Variants in DHODH observed in about 807,000 individuals in gnomAD.
DHODH encodes dihydroorotate dehydrogenase (quinone).
Under a neutral mutation model 39.7 loss-of-function variants are expected in DHODH, and 30 were observed. That is an observed-to-expected ratio of 0.76 (90% CI 0.57 to 1.02). The LOEUF is 1.02. Ranked by LOEUF, DHODH falls within the 50% of genes least tolerant of loss-of-function variation. The pLI, the probability that DHODH is intolerant of heterozygous loss-of-function variation, is 0.00. For missense variants in DHODH, 531 were observed against 520.8 expected (o/e 1.02, Z -0.19); for synonymous variants, 222 against 213.8 (o/e 1.04, Z -0.34).
intron 4 of DHODH, among the ~76,000 whole-genome samples, chr16:72,017,583 T>G (rs1316737257): frequency 6.6e-6 from 1 of 152,188 alleles, no homozygotes; most frequent in Non-Finnish European, 1.5e-5. Context: ...CTAACTAATA[T>G]TAGCATTTGG....
At chr16:72,021,338 C>T (rs930191691) in intron 5 of DHODH, 27 bp downstream of exon 5, 11 of 1,576,794 alleles carry the variant, frequency 7.0e-6, no homozygotes, top group Non-Finnish European at 9.4e-6. Flanking sequence ...CTCTCCAGGC[C>T]CTGTCCCACC....
At position 72,026,111 on chromosome 16, in the gene DHODH, A is replaced by G. The variant is rs1213413359; in HGVS notation, c.*1912A>G. 2 of 152,308 alleles carry G rather than the reference A, an allele frequency of 1.3e-5. No individual in the cohort carries two copies. The highest frequency in any genetic ancestry group is 4.8e-5 in the African/African-American group (2 of 41,476). The allele number at this position is 152,308 out of a possible 1,614,324, so 9.4% of individuals were successfully genotyped here. ...AATGGGAATGGGCAAAAGGAACCAC[A>G]TGCTGGCCAGACCCCTGCGGGGTCA... On this transcript the variant is annotated 3_prime_UTR_variant, in exon 9 of 9. Coordinates refer to ENST00000219240, the MANE Select transcript of DHODH (RefSeq NM_001361.5).
intron 1 of DHODH, among the ~76,000 whole-genome samples, chr16:72,009,924 A>C (rs1360752344): frequency 6.6e-6 from 1 of 152,070 alleles, no homozygotes; most frequent in East Asian, 1.9e-4. Context: ...AAAATAAATA[A>C]ATGGAGAGAG....
At position 72,016,545 on chromosome 16, in the gene DHODH, A is replaced by G. The variant is rs569469853; in HGVS notation, c.435-479A>G. 18 of 252,440 alleles carry G rather than the reference A, an allele frequency of 7.1e-5. No homozygotes were observed. The Admixed American group carries it at 7.4e-4, about 10-fold the overall frequency. 15.6% of individuals were successfully genotyped at this position (252,440 alleles called of 1,614,324 possible). On this transcript the variant is annotated intron_variant, in intron 3 of 8. Coordinates refer to ENST00000219240, the MANE Select transcript of DHODH (RefSeq NM_001361.5). ...GAGAAAGGTGGGGCCAAAGCTCTGT[A>G]TGAAGGCCAGGGGGATGAGGGATCC...
At chr16:72,012,546 C>G (rs2041096129) in intron 2 of DHODH, among the ~76,000 whole-genome samples, 1 of 152,202 alleles carries the variant, frequency 6.6e-6, no homozygotes, top group Non-Finnish European at 1.5e-5. Context: ...AACTGAGGAA[C>G]AGATTAGCAA....
rs973382303 is a variant in DHODH, at chr16:72,023,315, C to G, written c.970C>G (p.Gln324Glu). The G allele has an allele frequency of 6.2e-7, 1 of 1,614,004 alleles. No individual in the cohort carries two copies. The highest frequency in any genetic ancestry group is 1.3e-5 in the African/African-American group (1 of 74,934). Residue 324 changes from glutamine to glutamate, a missense_variant, in exon 7 of 9, where the codon CAA becomes GAA. Gln to Glu is a conservative substitution (Grantham distance 29). Coordinates refer to ENST00000219240, the MANE Select transcript of DHODH (RefSeq NM_001361.5). The stretch of plus-strand genomic sequence containing the variant: ...CATTCGGGAGATGTATGCACTCACC[C>G]AAGGCAAGGTTTCCCGTGTTTGTGT... ...QTIREMYALT[Q>E]GRVPIIGVGG...
intron 1 of DHODH, chr16:72,008,986 A>G (rs1251037905): frequency 2.0e-6 from 3 of 1,463,520 alleles, no homozygotes; most frequent in East Asian, 5.0e-5. Context: ...GTGTGCAGAC[A>G]GCGCCTGCAG....
intron 4 of DHODH, among the ~76,000 whole-genome samples, chr16:72,018,706 C>T (rs2041171159): frequency 1.3e-5 from 2 of 152,178 alleles, no homozygotes; most frequent in South Asian, 4.1e-4. Flanking sequence ...TTGTTGTTAG[C>T]ACCATGCCAA....
chr16:72,023,777 G>C, intron 8 of DHODH, 144 bp downstream of exon 8: 1 of 1,222,614 alleles, frequency 8.2e-7, no homozygotes, highest in Non-Finnish European at 1.2e-6. Flanking sequence ...AGAAATTCTG[G>C]GTTACTCTTT....
At chr16:72,017,215 C>G in intron 4 of DHODH, 109 bp downstream of exon 4, 1 of 1,107,152 alleles carries the variant, frequency 9.0e-7, no homozygotes, top group Non-Finnish European at 1.3e-6. Flanking sequence ...ATAGCAAAAA[C>G]CACTGAGGAC....
At chr16:72,016,901 C>A in intron 3 of DHODH, 123 bp from the exon 4 acceptor site, 2 of 845,308 alleles carry the variant, frequency 2.4e-6, no homozygotes, top group South Asian at 1.4e-5. Context: ...GGTGTTTAGA[C>A]CCTGGAAGTG....
At chr16:72,009,750 G>C (rs1180054106) in intron 1 of DHODH, among the ~76,000 whole-genome samples, 1 of 151,768 alleles carries the variant, frequency 6.6e-6, no homozygotes, top group Non-Finnish European at 1.5e-5. Context: ...GCGTAGCTGA[G>C]ATTACAGGCG....
chr16:72,015,321 G>C (rs923895718), intron 3 of DHODH, among the ~76,000 whole-genome samples: 2 of 152,230 alleles, frequency 1.3e-5, no homozygotes, highest in African/African-American at 2.4e-5. Context: ...GCGGCCAGCA[G>C]GCTTGTATTG....
At chr16:72,023,368 C>G (rs1163882670) in intron 7 of DHODH, 50 bp downstream of exon 7, 2 of 1,613,892 alleles carry the variant, frequency 1.2e-6, no homozygotes, top group African/African-American at 2.7e-5. Context: ...GCTTGGGCTC[C>G]TGGGTCGTGA....
rs1471531122 is a variant in DHODH at position 72,026,762 on chromosome 16, A to ATGTGGTG, written c.*2566_*2572dup. On this transcript the variant is annotated 3_prime_UTR_variant, in exon 9 of 9. Transcript: ENST00000219240. ...AGGAGTTGTCTTGCATTCAGGGGCC[A>ATGTGGTG]TGTGGTGTGCGGATACCTATTTTTC... is the stretch of plus-strand genomic sequence containing the variant. 5 of 151,700 alleles carry ATGTGGTG rather than the reference A, an allele frequency of 3.3e-5. No individual in the cohort carries two copies. Among genetic ancestry groups the ATGTGGTG allele is most frequent in the Non-Finnish European group, 7.3e-5 (5 of 68,172 alleles). 9.4% of individuals were successfully genotyped at this position (151,700 alleles called of 1,614,324 possible). A position where few individuals can be genotyped will look rare whatever the true frequency, so the allele number is the denominator to read the frequency against.
chr16:72,021,062 G>A, intron 4 of DHODH, 62 bp from the exon 5 acceptor site: 1 of 1,514,994 alleles, frequency 6.6e-7, no homozygotes, highest in Non-Finnish European at 9.0e-7. Flanking sequence ...GTCAAGGGCA[G>A]CCTCAGAAGG....
Position 72,012,339 on chromosome 16 carries a change from A to G in DHODH, c.234+77A>G, listed in dbSNP as rs536884336. The G allele has an allele frequency of 3.8e-5, 52 of 1,357,262 alleles. No homozygotes were observed. The African/African-American group carries it at 6.7e-4, about 18-fold the overall frequency. 84.1% of individuals were successfully genotyped at this position (1,357,262 alleles called of 1,614,324 possible). ...CCCCTAAACTTCTCAGCTGGGACTG[A>G]TCTTTTTGAAAACCAGAACCCCAAG... On this transcript the variant is annotated intron_variant, in intron 2 of 8. Transcript: ENST00000219240.
chr16:72,021,955 T>C (rs1432286916), intron 5 of DHODH, among the ~76,000 whole-genome samples: 1 of 152,032 alleles, frequency 6.6e-6, no homozygotes, highest in East Asian at 1.9e-4. Context: ...TAGCTGGGCA[T>C]GGTGGTGCAC....
At chr16:72,011,312 C>T (rs2041078903) in intron 1 of DHODH, among the ~76,000 whole-genome samples, 1 of 152,142 alleles carries the variant, frequency 6.6e-6, no homozygotes, top group South Asian at 2.1e-4. Context: ...TACAGTTGTC[C>T]CTCAATTTAC....
Sources: gnomAD v4.1 joint callset for allele counts (sites outside exome capture counted in the v4.1 genomes callset) on GRCh38, gnomAD v4.1.1 for gene constraint, MANE v1.5 for transcripts, NCBI Gene and HGNC (gene_info 2026-07-23, HGNC 2026-07-21) for gene names.